DNAAF5: variants seen among roughly 807,000 people sequenced by gnomAD.
DNAAF5 encodes HEAT repeat containing 2.
DNAAF5 carries 64 observed loss-of-function variants against 75.8 expected under a neutral mutation model. That is an observed-to-expected ratio of 0.84 (90% CI 0.69 to 1.04). The LOEUF is 1.04. Ranked by LOEUF, DNAAF5 falls within the 50% of genes least tolerant of loss-of-function variation. DNAAF5 has a pLI of 0.00. For missense variants in DNAAF5, 1,269 were observed against 1,178.5 expected (o/e 1.08, Z -1.12); for synonymous variants, 657 against 557.2 (o/e 1.18, Z -2.52).
intron 2 of DNAAF5, among the ~76,000 whole-genome samples, chr7:731,496 T>C (rs781602457): frequency 6.6e-6 from 1 of 152,224 alleles, no homozygotes; most frequent in Non-Finnish European, 1.5e-5. Flanking sequence ...ACTGTATTGG[T>C]AGCTATGTAT....
intron 8 of DNAAF5, among the ~76,000 whole-genome samples, chr7:768,001 C>G (rs777423225): frequency 5.0e-5 from 7 of 140,812 alleles, no homozygotes; most frequent in Non-Finnish European, 9.3e-5. Context: ...ACACGTGGCC[C>G]GGGCGGAAGT....
At chr7:731,966 T>C (rs987516286) in intron 2 of DNAAF5, among the ~76,000 whole-genome samples, 6 of 152,168 alleles carry the variant, frequency 3.9e-5, no homozygotes, top group African/African-American at 1.2e-4. Flanking sequence ...CCATCCTCTC[T>C]GCACAGAAGG....
chr7:767,864 G>A (rs905983398), intron 8 of DNAAF5, among the ~76,000 whole-genome samples: 1 of 150,810 alleles, frequency 6.6e-6, no homozygotes, highest in African/African-American at 2.4e-5. Context: ...AGCTCACGCT[G>A]GGAGGGCAGA....
chr7:756,795 C>T lies in DNAAF5; in HGVS notation c.1271C>T (p.Ala424Val). ...TCTTTCTCGCAGTGTACCAGATCCG[C>T]AGAGCTCGTCGGGACGTTTGTCAGC... ...AAVVQSCTRS[A>V]ELVGTFVSPE... Residue 424 changes from alanine (A) to valine (V), a missense_variant, in exon 6 of 13, where the codon GCA becomes GTA. Transcript: ENST00000297440. The T allele has an allele frequency of 6.2e-7, 1 of 1,613,826 alleles. No homozygotes were observed. Among genetic ancestry groups the T allele is most frequent in the South Asian group, 1.1e-5 (1 of 91,074 alleles).
chr7:777,590 G>A (rs1778805910), intron 11 of DNAAF5, among the ~76,000 whole-genome samples: 1 of 152,194 alleles, frequency 6.6e-6, no homozygotes, highest in Non-Finnish European at 1.5e-5. Context: ...GCGGGAAGCG[G>A]CCACTCAGGC....
chr7:736,592 C>A (rs1426570813), intron 2 of DNAAF5, among the ~76,000 whole-genome samples: 1 of 152,166 alleles, frequency 6.6e-6, no homozygotes, highest in South Asian at 2.1e-4. Context: ...CCTACGTGTG[C>A]CTTTTTAGTG....
At chr7:783,284 C>T (rs1779036374) in intron 12 of DNAAF5, among the ~76,000 whole-genome samples, 1 of 152,224 alleles carries the variant, frequency 6.6e-6, no homozygotes, top group Non-Finnish European at 1.5e-5. Context: ...GGTGCCCACT[C>T]GCGGGTGTAA....
Position 743,713 on chromosome 7 carries a change from C to T in DNAAF5, c.1024+2248C>T, listed in dbSNP as rs554570435. Among the ~76,000 whole-genome samples the T allele has an allele frequency of 1.1e-4, 16 of 146,964 alleles. No individual in the cohort carries two copies. The South Asian group carries it at 1.5e-3, about 14-fold the overall frequency. ...AGGCTGGAGTGCAATGACTCAGTCT[C>T]GGCTCACTGCAACCTCCAACTTCCA... On this transcript the variant is annotated intron_variant, in intron 4 of 12. Coordinates refer to ENST00000297440, the MANE Select transcript of DNAAF5 (RefSeq NM_017802.4).
intron 2 of DNAAF5, among the ~76,000 whole-genome samples, chr7:735,371 TGTA>T (rs1781706954): frequency 6.6e-6 from 1 of 151,682 alleles, no homozygotes; most frequent in Admixed American, 6.6e-5. Context: ...TTGCTCATAT[TGTA>T]GTTGCTCATA....
chr7:742,125 T>C (rs556428722), intron 4 of DNAAF5, among the ~76,000 whole-genome samples: 1 of 152,306 alleles, frequency 6.6e-6, no homozygotes, highest in South Asian at 2.1e-4. Context: ...CCGGCCCACC[T>C]TGGGCTTCAT....
chr7:776,637 A>T (rs116037660), intron 11 of DNAAF5, among the ~76,000 whole-genome samples: 2,217 of 152,224 alleles, frequency 0.015, 63 homozygotes, highest in African/African-American at 0.05. Flanking sequence ...CCCCAGACCA[A>T]CCCCAGGTGA....
chr7:758,054 A>G (rs935160866), intron 6 of DNAAF5, among the ~76,000 whole-genome samples: 1 of 152,228 alleles, frequency 6.6e-6, no homozygotes, highest in African/African-American at 2.4e-5. Flanking sequence ...AGCTGGGGTA[A>G]GGAAGGGAGC....
intron 12 of DNAAF5, among the ~76,000 whole-genome samples, chr7:782,634 G>A (rs1476925386): frequency 1.4e-5 from 2 of 144,608 alleles, no homozygotes; most frequent in Admixed American, 6.8e-5. Flanking sequence ...TATTCCTGGC[G>A]TGGCCGCCTC....
At chr7:777,877 G>A (rs749521362) in intron 11 of DNAAF5, among the ~76,000 whole-genome samples, 2 of 152,062 alleles carry the variant, frequency 1.3e-5, no homozygotes, top group South Asian at 2.1e-4. Context: ...GGAGGGACGC[G>A]GGGCCTGGAG....
At chr7:780,287 C>T (rs915054022) in intron 12 of DNAAF5, 143 bp downstream of exon 12, 1 of 689,452 alleles carries the variant, frequency 1.5e-6, no homozygotes, top group Non-Finnish European at 2.4e-6. Context: ...CTCTTGAGTT[C>T]TTGGCAAACC....
intron 4 of DNAAF5, among the ~76,000 whole-genome samples, chr7:744,663 G>A (rs1782025707): frequency 1.3e-5 from 2 of 152,364 alleles, no homozygotes; most frequent in East Asian, 1.9e-4. Context: ...AACAAGTGCT[G>A]GAGAGGATGT....
chr7:782,325 C>T (rs867882804), intron 12 of DNAAF5, among the ~76,000 whole-genome samples: 1 of 151,388 alleles, frequency 6.6e-6, no homozygotes, highest in Non-Finnish European at 1.5e-5. Context: ...TCCCGTCACG[C>T]GGCGTCAGAA....
chr7:745,678 CACAT>C (rs1261016352), intron 4 of DNAAF5, among the ~76,000 whole-genome samples: 2 of 148,382 alleles, frequency 1.3e-5, no homozygotes, highest in Non-Finnish European at 3.0e-5. Context: ...CACGTGTACA[CACAT>C]ATACACATCT....
intron 12 of DNAAF5, among the ~76,000 whole-genome samples, chr7:784,079 G>A (rs1779071729): frequency 1.3e-5 from 2 of 149,784 alleles, no homozygotes; most frequent in Admixed American, 1.3e-4. Flanking sequence ...CCTGGAAGCA[G>A]CCCGCCTTAC....
Sources: allele counts gnomAD v4.1 joint callset (sites outside exome capture counted in the v4.1 genomes callset), GRCh38; gene constraint gnomAD v4.1.1; transcripts MANE v1.5; gene names NCBI Gene and HGNC (gene_info 2026-07-23, HGNC 2026-07-21).